The following NAV2 variants were observed in gnomAD, a reference collection of about 807,000 sequenced individuals.
The protein encoded by NAV2 is helicase, APC down-regulated 1.
NAV2 carries 54 observed loss-of-function variants against 223.2 expected under a neutral mutation model. The observed-to-expected ratio is 0.24, with a 90% CI of 0.19 to 0.30. The LOEUF is 0.30. Among genes scored for constraint, NAV2 ranks in the 10% least tolerant of loss-of-function variants. NAV2 has a pLI of 1.00. For synonymous variants in NAV2, 1,279 were observed against 1,239.3 expected (o/e 1.03, Z -0.67); for missense variants, 2,806 against 3,147.5 (o/e 0.89, Z 2.60).
At chr11:19,765,666 T>G (rs1350450389) in intron 1 of NAV2, among the ~76,000 whole-genome samples, 2 of 152,302 alleles carry the variant, frequency 1.3e-5, no homozygotes, top group East Asian at 3.9e-4. Flanking sequence ...TTGCTCACTG[T>G]GCTCTAGCCT....
intron 1 of NAV2, among the ~76,000 whole-genome samples, chr11:19,527,525 C>T (rs2043879459): frequency 6.6e-6 from 1 of 152,126 alleles, no homozygotes; most frequent in Admixed American, 6.5e-5. Context: ...AGGCACCAGT[C>T]CAATGAGCTT....
intron 1 of NAV2, among the ~76,000 whole-genome samples, chr11:19,473,214 C>T (rs1303907820): frequency 6.6e-6 from 1 of 152,114 alleles, no homozygotes; most frequent in Non-Finnish European, 1.5e-5. Context: ...CCAAGTTAAG[C>T]TTGCTTCTTT....
chr11:19,558,383 CCT>C lies in NAV2; in HGVS notation c.75+207364_75+207365del, dbSNP rs572811744. 5.3e-4 allele frequency among the ~76,000 whole-genome samples: 81 copies of C among 152,306 alleles called. 1 individual carries two copies. Among genetic ancestry groups the C allele is most frequent in the African/African-American group, 1.8e-3 (74 of 41,572 alleles). ...GCACCTCAGCTAAAGGCTGGCAGGG[CCT>C]CTCTCTCCAGCACGAGAGTCAGAAT... On this transcript the variant is annotated intron_variant, in intron 1 of 37. Transcript: ENST00000360655.
At chr11:19,712,480 C>G (rs1590133622), upstream of NAV2, 1 of 152,212 alleles carries the variant, frequency 6.6e-6, no homozygotes, top group Non-Finnish European at 1.5e-5. Context: ...AGACTCAAAC[C>G]GTTAAGGTGA....
chr11:19,589,622 G>A (rs997268708), intron 1 of NAV2, among the ~76,000 whole-genome samples: 1 of 152,204 alleles, frequency 6.6e-6, no homozygotes, highest in African/African-American at 2.4e-5. Flanking sequence ...TGGATAGACA[G>A]CATGCAAATG....
At chr11:19,566,171 C>A (rs933825072) in intron 1 of NAV2, among the ~76,000 whole-genome samples, 4 of 151,994 alleles carry the variant, frequency 2.6e-5, no homozygotes, top group Admixed American at 6.6e-5. Flanking sequence ...GGGGCTCAAG[C>A]AATCCTCCCA....
chr11:19,971,150 TTTGTGTCATGTCTG>T, intron 10 of NAV2, among the ~76,000 whole-genome samples: 1 of 151,990 alleles, frequency 6.6e-6, no homozygotes, highest in Middle Eastern at 3.4e-3. Flanking sequence ...TTTTGGGGAG[TTTGTGTCATGTCTG>T]GCCCCACAGG....
rs78842749 is a variant in NAV2 at position 19,373,495 on chromosome 11, A to G, written c.75+22468A>G. Among the ~76,000 whole-genome samples, 580 of 152,034 alleles carry G rather than the reference A, an allele frequency of 3.8e-3. 25 individuals carry two copies. In the East Asian group the frequency reaches 0.096, roughly 25 times the overall value. On this transcript the variant is annotated intron_variant, in intron 1 of 37. Coordinates refer to the NAV2 transcript ENST00000360655. The stretch of plus-strand genomic sequence containing the variant: ...CTCTGGCTGGAAAAGAGTTCCCCCA[A>G]TATTCTCATGGCTGTATCACTCTTC...
At chr11:19,889,593 GT>G (rs749103408) in intron 5 of NAV2, among the ~76,000 whole-genome samples, 6 of 152,174 alleles carry the variant, frequency 3.9e-5, no homozygotes, top group Non-Finnish European at 7.3e-5. Flanking sequence ...CCTTCTCCAT[GT>G]CCCAAAAGGC....
chr11:19,618,492 A>AGATGGATGGATG (rs72080375), intron 1 of NAV2, among the ~76,000 whole-genome samples: 10 of 137,102 alleles, frequency 7.3e-5, no homozygotes, highest in African/African-American at 1.7e-4. Context: ...CTGTCTGGAT[A>AGATGGATGGATG]GATGGATGGA....
In NAV2 at chr11:19,452,980, A is replaced by G. The variant is rs573995173; in HGVS notation, c.75+101953A>G. Among the ~76,000 whole-genome samples the G allele has an allele frequency of 3.9e-5, 6 of 152,332 alleles. No homozygotes were observed. The South Asian group carries it at 1.2e-3, about 32-fold the overall frequency. On this transcript the variant is annotated intron_variant, in intron 1 of 37. Coordinates refer to the NAV2 transcript ENST00000360655. The stretch of plus-strand genomic sequence containing the variant: ...AACCTTTGCTATATCCCCATTTCAC[A>G]GATGTTGAAATTGAGGCTCAGAGAA...
intron 20 of NAV2, among the ~76,000 whole-genome samples, chr11:20,065,946 TG>T (rs2059020417): frequency 6.6e-6 from 1 of 152,258 alleles, no homozygotes; most frequent in South Asian, 2.1e-4. Flanking sequence ...GCCTAGGCTC[TG>T]GAGCCAGACT....
At chr11:19,579,714 A>T (rs76998477) in intron 1 of NAV2, among the ~76,000 whole-genome samples, 1 of 152,196 alleles carries the variant, frequency 6.6e-6, no homozygotes, top group African/African-American at 2.4e-5. Context: ...TGTACATAGT[A>T]AGCACCCAAT....
chr11:20,105,433 C>A, intron 34 of NAV2, 98 bp from the exon 35 acceptor site: 2 of 943,802 alleles, frequency 2.1e-6, no homozygotes, highest in South Asian at 1.5e-5. Context: ...GTTGCATTAG[C>A]ATATACACCT....
intron 1 of NAV2, among the ~76,000 whole-genome samples, chr11:19,356,451 A>T (rs1853623985): frequency 6.6e-6 from 1 of 152,174 alleles, no homozygotes. Context: ...TGATGAGCTT[A>T]GATATTGTCT....
intron 1 of NAV2, among the ~76,000 whole-genome samples, chr11:19,716,947 T>C (rs534617246): frequency 6.6e-6 from 1 of 152,342 alleles, no homozygotes; most frequent in Admixed American, 6.5e-5. Context: ...AAGACCAGTT[T>C]GGTAACTTTG....
At chr11:19,459,474 T>G (rs1478838587) in intron 1 of NAV2, among the ~76,000 whole-genome samples, 1 of 152,164 alleles carries the variant, frequency 6.6e-6, no homozygotes, top group African/African-American at 2.4e-5. Context: ...CACTGTGGCC[T>G]GGGGGAGGTG....
At chr11:19,645,761 T>C (rs2047798572) in intron 1 of NAV2, among the ~76,000 whole-genome samples, 1 of 152,118 alleles carries the variant, frequency 6.6e-6, no homozygotes, top group Non-Finnish European at 1.5e-5. Flanking sequence ...CTTTTAATGG[T>C]AATGGCAAAA....
rs1424877197 is a variant in NAV2 at position 19,452,966 on chromosome 11, T to G, written c.75+101939T>G. 2.0e-5 allele frequency among the ~76,000 whole-genome samples: 3 copies of G among 152,250 alleles called. No homozygotes were observed. The East Asian group carries it at 5.8e-4, about 29-fold the overall frequency. On this transcript the variant is annotated intron_variant, in intron 1 of 37. Coordinates refer to the NAV2 transcript ENST00000360655. Reference sequence around the variant, plus strand: ...TCCAATCCACAACAAACCTTTGCTATATCCCCATTTCACAGATGTTGAAAT... The same window carrying G: ...TCCAATCCACAACAAACCTTTGCTAGATCCCCATTTCACAGATGTTGAAAT...
Sources: allele counts gnomAD v4.1 joint callset (sites outside exome capture counted in the v4.1 genomes callset), GRCh38; gene constraint gnomAD v4.1.1; transcripts MANE v1.5; gene names NCBI Gene and HGNC (gene_info 2026-07-23, HGNC 2026-07-21).